The following MSRA variants were observed in gnomAD, a reference collection of about 807,000 sequenced individuals.
MSRA encodes the protein mitochondrial peptide methionine sulfoxide reductase.
MSRA carries 54 observed loss-of-function variants against 31.3 expected under a neutral mutation model. The ratio of observed to expected loss-of-function variants is 1.73; its 90% CI spans 1.39 to 2.17. MSRA has a LOEUF of 2.17. Ranked by LOEUF, MSRA falls within the 30% of genes most tolerant of loss-of-function variation. The pLI is 0.00. For synonymous variants in MSRA, 169 were observed against 116.5 expected, an observed-to-expected ratio of 1.45 and a Z score of -2.90; for missense variants, 507 against 300.9, an observed-to-expected ratio of 1.69 and a Z score of -5.07.
rs961427503 is a variant in MSRA, at chr8:10,321,559, A to G, written c.543+1570A>G. On this transcript the variant is annotated intron_variant, in intron 5 of 5. Coordinates refer to ENST00000317173, the MANE Select transcript of MSRA (RefSeq NM_012331.5). Reference sequence around the variant, plus strand: ...ATGGCCCCCAGTGCTCTCTGCCCATATGTAATTCATCTCCTTGAATATGGG... The same window carrying G: ...ATGGCCCCCAGTGCTCTCTGCCCATGTGTAATTCATCTCCTTGAATATGGG... Among the ~76,000 whole-genome samples, 7 of 152,184 alleles carry G rather than the reference A, an allele frequency of 4.6e-5. No homozygotes were observed. The South Asian group carries it at 1.2e-3, about 27-fold the overall frequency.
At chr8:10,216,626 T>C (rs1353242686) in intron 2 of MSRA, among the ~76,000 whole-genome samples, 1 of 152,232 alleles carries the variant, frequency 6.6e-6, no homozygotes, top group Non-Finnish European at 1.5e-5. Flanking sequence ...CCTGTCTGTC[T>C]AAATTTGACT....
At chr8:10,224,872 C>T (rs559589239) in intron 2 of MSRA, among the ~76,000 whole-genome samples, 5 of 152,268 alleles carry the variant, frequency 3.3e-5, no homozygotes, top group East Asian at 3.9e-4. Context: ...CTACTAGGGC[C>T]GGGCGCAGTG....
intron 1 of MSRA, among the ~76,000 whole-genome samples, chr8:10,128,007 G>A (rs1055801510): frequency 1.3e-5 from 2 of 151,974 alleles, no homozygotes; most frequent in African/African-American, 4.8e-5. Context: ...TGTGACCGTG[G>A]TGCATTTCCA....
intron 1 of MSRA, among the ~76,000 whole-genome samples, chr8:10,122,437 G>A (rs1801192108): frequency 6.6e-6 from 1 of 152,104 alleles, no homozygotes; most frequent in African/African-American, 2.4e-5. Flanking sequence ...AAACAAAACT[G>A]TGATGTAAAT....
At chr8:10,170,557 A>G (rs1805504121) in intron 1 of MSRA, among the ~76,000 whole-genome samples, 1 of 152,242 alleles carries the variant, frequency 6.6e-6, no homozygotes, top group South Asian at 2.1e-4. Flanking sequence ...ACTTGGATCA[A>G]AAATGTTTTT....
At chr8:10,170,258 T>C (rs1307862928) in intron 1 of MSRA, among the ~76,000 whole-genome samples, 1 of 152,116 alleles carries the variant, frequency 6.6e-6, no homozygotes, top group Admixed American at 6.5e-5. Flanking sequence ...ATCTCCAATG[T>C]GATGATATCA....
chr8:10,218,849 A>C (rs576676933), intron 2 of MSRA, among the ~76,000 whole-genome samples: 2 of 152,220 alleles, frequency 1.3e-5, no homozygotes, highest in Non-Finnish European at 2.9e-5. Flanking sequence ...TTGGGTGAAT[A>C]CTTGAAAATA....
chr8:10,067,989 T>C (rs1202013259), intron 1 of MSRA, among the ~76,000 whole-genome samples: 2 of 145,358 alleles, frequency 1.4e-5, no homozygotes, highest in East Asian at 2.3e-4. Flanking sequence ...GCCCGAGTGA[T>C]ACTCATGCGT....
chr8:10,208,153 G>A (rs1418549256), intron 2 of MSRA, among the ~76,000 whole-genome samples: 5 of 151,414 alleles, frequency 3.3e-5, no homozygotes, highest in Non-Finnish European at 2.9e-5. Flanking sequence ...TATTTCTTAT[G>A]TCCACACTGT....
At chr8:10,426,952 C>T (rs1809207521) in intron 5 of MSRA, among the ~76,000 whole-genome samples, 1 of 62,240 alleles carries the variant, frequency 1.6e-5, no homozygotes. Flanking sequence ...GGGGACCCTG[C>T]CCCTTGTCGT....
intron 1 of MSRA, among the ~76,000 whole-genome samples, chr8:10,152,988 T>C (rs1334297144): frequency 6.6e-6 from 1 of 152,170 alleles, no homozygotes; most frequent in African/African-American, 2.4e-5. Context: ...AGAACGGTGA[T>C]TTCCAGGGGC....
Position 10,156,041 on chromosome 8 carries a change from G to C in MSRA, c.143-51792G>C, listed in dbSNP as rs562294913. Among the ~76,000 whole-genome samples the C allele has an allele frequency of 2.1e-4, 32 of 152,244 alleles. No individual in the cohort carries two copies. In the South Asian group the frequency reaches 6.4e-3, roughly 31 times the overall value. On this transcript the variant is annotated intron_variant, in intron 1 of 5. Coordinates refer to ENST00000317173, the MANE Select transcript of MSRA (RefSeq NM_012331.5). ...TGGCGTCACTAATGGTGGGAGTCCT[G>C]ATGTGATGCGGTAGGAGGATACCTG...
intron 1 of MSRA, among the ~76,000 whole-genome samples, chr8:10,181,213 G>T (rs1806507449): frequency 6.6e-6 from 1 of 152,182 alleles, no homozygotes; most frequent in Non-Finnish European, 1.5e-5. Context: ...ACTTAAAGCA[G>T]AAGGCCTGGC....
chr8:10,358,121 G>A (rs969386086), intron 5 of MSRA, among the ~76,000 whole-genome samples: 1 of 152,062 alleles, frequency 6.6e-6, no homozygotes, highest in Non-Finnish European at 1.5e-5. Flanking sequence ...TGGAGACGGG[G>A]TTTCACCATG....
At chr8:10,063,584 TG>T (rs1326060760) in intron 1 of MSRA, among the ~76,000 whole-genome samples, 2 of 152,004 alleles carry the variant, frequency 1.3e-5, no homozygotes, top group South Asian at 4.2e-4. Flanking sequence ...GATTAGGAGG[TG>T]GGGGCTTTGG....
chr8:10,128,904 A>T (rs1332423611), intron 1 of MSRA, among the ~76,000 whole-genome samples: 1 of 152,198 alleles, frequency 6.6e-6, no homozygotes, highest in Non-Finnish European at 1.5e-5. Flanking sequence ...TTTCCAGGAG[A>T]GGAGTTTAGG....
intron 1 of MSRA, among the ~76,000 whole-genome samples, chr8:10,161,446 C>T (rs1330387646): frequency 6.6e-6 from 1 of 152,134 alleles, no homozygotes; most frequent in African/African-American, 2.4e-5. Flanking sequence ...GCCCAACCTT[C>T]CATAGAAGCG....
chr8:10,420,875 T>G (rs1350660673), intron 5 of MSRA, among the ~76,000 whole-genome samples: 2 of 123,918 alleles, frequency 1.6e-5, no homozygotes, highest in Non-Finnish European at 1.6e-5. Context: ...TTATGTTGTG[T>G]GTATTTTACC....
At chr8:10,324,711 A>G (rs1802261806) in intron 5 of MSRA, among the ~76,000 whole-genome samples, 1 of 152,176 alleles carries the variant, frequency 6.6e-6, no homozygotes, top group African/African-American at 2.4e-5. Flanking sequence ...ATTCACTGAG[A>G]TGTGTGGTTC....
Sources: gnomAD v4.1 joint callset for allele counts (sites outside exome capture counted in the v4.1 genomes callset) on GRCh38, gnomAD v4.1.1 for gene constraint, MANE v1.5 for transcripts, NCBI Gene and HGNC (gene_info 2026-07-23, HGNC 2026-07-21) for gene names.